SDHAF3: variants seen among roughly 807,000 people sequenced by gnomAD.
The protein encoded by SDHAF3 is succinate dehydrogenase complex assembly factor 3.
SDHAF3 carries 18 observed loss-of-function variants against 11.5 expected under a neutral mutation model. The ratio of observed to expected loss-of-function variants is 1.56; its 90% CI spans 1.08 to 2.32. SDHAF3 has a LOEUF of 2.32. Among genes scored for constraint, SDHAF3 ranks in the 30% most tolerant of loss-of-function variants. The probability of loss-of-function intolerance (pLI) is 0.00; values close to 1 mark genes in which losing one functional copy is unlikely to be tolerated. For synonymous variants in SDHAF3, 72 were observed against 59.3 expected (o/e 1.21, Z -0.99); for missense variants, 200 against 154.4 (o/e 1.30, Z -1.57).
At chr7:97,172,968 G>C (rs1298558821) in intron 1 of SDHAF3, among the ~76,000 whole-genome samples, 2 of 152,204 alleles carry the variant, frequency 1.3e-5, no homozygotes, top group African/African-American at 4.8e-5. Context: ...ATGGTTTTGG[G>C]ATGAAATGGC....
chr7:97,126,856 A>C (rs960203568), intron 1 of SDHAF3, among the ~76,000 whole-genome samples: 6 of 151,608 alleles, frequency 4.0e-5, no homozygotes, highest in Non-Finnish European at 7.4e-5. Flanking sequence ...AAAAAAAAAA[A>C]AAAAAACCCT....
chr7:97,144,792 T>C (rs938040187), intron 1 of SDHAF3, among the ~76,000 whole-genome samples: 4 of 152,208 alleles, frequency 2.6e-5, no homozygotes, highest in Non-Finnish European at 5.9e-5. Context: ...ATGTGGGCTC[T>C]TCTTTGGTTT....
intron 1 of SDHAF3, among the ~76,000 whole-genome samples, chr7:97,141,746 G>C (rs1562823454): frequency 6.6e-6 from 1 of 151,962 alleles, no homozygotes; most frequent in Non-Finnish European, 1.5e-5. Context: ...CTCCTGCCTT[G>C]GCCTCCCAAA....
chr7:97,135,477 T>C (rs1389113205), intron 1 of SDHAF3: 1 of 152,206 alleles, frequency 6.6e-6, no homozygotes, highest in Non-Finnish European at 1.5e-5. Flanking sequence ...GATTTTTCTT[T>C]TTGTACTTCT....
At position 97,117,907 on chromosome 7, in the gene SDHAF3, G is replaced by A. The variant is rs372734240; in HGVS notation, c.174+10G>A. On this transcript the variant is annotated intron_variant, in intron 1 of 1. Transcript: ENST00000432641. ...CTTGCAAGAATGGGAGGCAAGTGAC[G>A]CTCCCTTCTCTTTGCCCAAGACCTT... 1 of 1,613,076 alleles carries A rather than the reference G, an allele frequency of 6.2e-7. No individual in the cohort carries two copies. Among genetic ancestry groups the A allele is most frequent in the African/African-American group, 1.3e-5 (1 of 74,942 alleles).
At chr7:97,146,828 C>G (rs1246102793) in intron 1 of SDHAF3, among the ~76,000 whole-genome samples, 3 of 150,942 alleles carry the variant, frequency 2.0e-5, no homozygotes, top group Non-Finnish European at 2.9e-5. Flanking sequence ...ACTCTGTCGC[C>G]CAGGCCAGAG....
At chr7:97,146,565 T>C (rs1364976977) in intron 1 of SDHAF3, among the ~76,000 whole-genome samples, 1 of 152,218 alleles carries the variant, frequency 6.6e-6, no homozygotes, top group Non-Finnish European at 1.5e-5. Context: ...TGTCACTTTT[T>C]TTCTCTGAAG....
At chr7:97,149,330 T>G (rs953549389) in intron 1 of SDHAF3, among the ~76,000 whole-genome samples, 3 of 152,196 alleles carry the variant, frequency 2.0e-5, no homozygotes, top group Non-Finnish European at 2.9e-5. Flanking sequence ...AATAAAAATT[T>G]CAGTTTTTCA....
chr7:97,168,426 TA>T (rs1421446785), intron 1 of SDHAF3, among the ~76,000 whole-genome samples: 1 of 152,182 alleles, frequency 6.6e-6, no homozygotes, highest in Non-Finnish European at 1.5e-5. Flanking sequence ...AAGATTGTGT[TA>T]TATTTGTTTA....
chr7:97,164,812 A>T (rs1789475913), intron 1 of SDHAF3, among the ~76,000 whole-genome samples: 1 of 152,166 alleles, frequency 6.6e-6, no homozygotes, highest in African/African-American at 2.4e-5. Flanking sequence ...GGATGGAGGG[A>T]TGATAGACTA....
intron 1 of SDHAF3, among the ~76,000 whole-genome samples, chr7:97,157,430 C>T (rs1789320456): frequency 6.6e-6 from 1 of 152,024 alleles, no homozygotes; most frequent in Non-Finnish European, 1.5e-5. Flanking sequence ...CCATCTCACA[C>T]CAGTTAGAAT....
intron 1 of SDHAF3, among the ~76,000 whole-genome samples, chr7:97,154,837 G>GT (rs1789278235): frequency 6.6e-6 from 1 of 151,998 alleles, no homozygotes; most frequent in African/African-American, 2.4e-5. Context: ...TTAGGTCAAG[G>GT]TTTATTTATT....
intron 1 of SDHAF3, among the ~76,000 whole-genome samples, chr7:97,130,450 C>G (rs1338408929): frequency 6.6e-6 from 1 of 152,184 alleles, no homozygotes; most frequent in South Asian, 2.1e-4. Context: ...TCTGGTCCCC[C>G]AGAAGGGTCC....
chr7:97,136,281 A>G (rs1415964287), intron 1 of SDHAF3: 6 of 478,644 alleles, frequency 1.3e-5, no homozygotes, highest in Non-Finnish European at 2.3e-5. Flanking sequence ...CAAACTTACT[A>G]ATTAAAAGAG....
intron 1 of SDHAF3, chr7:97,142,729 G>T (rs1333786572): frequency 6.6e-6 from 1 of 151,998 alleles, no homozygotes; most frequent in Non-Finnish European, 1.5e-5. Flanking sequence ...AGGAATTTAA[G>T]ATCTTGAAGT....
chr7:97,123,242 G>A (rs1485246086), intron 1 of SDHAF3, among the ~76,000 whole-genome samples: 2 of 152,086 alleles, frequency 1.3e-5, no homozygotes, highest in African/African-American at 4.8e-5. Flanking sequence ...GAGAACATGA[G>A]GTTTTTGGTT....
At chr7:97,170,098 G>GT (rs199512966) in intron 1 of SDHAF3, among the ~76,000 whole-genome samples, 26,004 of 144,158 alleles carry the variant, frequency 0.18, 2,587 homozygotes, top group Non-Finnish European at 0.24. Flanking sequence ...TGGCTAGTTC[G>GT]TTTTTTTTTT....
At chr7:97,149,539 G>A (rs181699405) in intron 1 of SDHAF3, among the ~76,000 whole-genome samples, 242 of 152,304 alleles carry the variant, frequency 1.6e-3, no homozygotes, top group Non-Finnish European at 2.5e-3. Context: ...AATGAGCCAT[G>A]TGGGTTTTTT....
intron 1 of SDHAF3, among the ~76,000 whole-genome samples, chr7:97,149,303 A>T (rs138664238): frequency 2.5e-3 from 386 of 152,232 alleles, no homozygotes; most frequent in African/African-American, 8.9e-3. Context: ...CATGTTTATT[A>T]TCAACTGGTT....
Sources: gnomAD v4.1 joint callset for allele counts (sites outside exome capture counted in the v4.1 genomes callset) on GRCh38, gnomAD v4.1.1 for gene constraint, MANE v1.5 for transcripts, NCBI Gene and HGNC (gene_info 2026-07-23, HGNC 2026-07-21) for gene names.